The following GFPT2 variants were observed in gnomAD, a reference collection of about 807,000 sequenced individuals.
The protein encoded by GFPT2 is glutamine--fructose-6-phosphate transaminase 2.
In GFPT2, 62 loss-of-function variants were observed where a neutral mutation model predicts 85.6. The observed-to-expected ratio is 0.72, with a 90% CI of 0.59 to 0.90. The LOEUF (loss-of-function observed/expected upper bound fraction) is 0.90, where lower values mean the gene tolerates loss of function less well. Among genes scored for constraint, GFPT2 ranks in the 40% least tolerant of loss-of-function variants. The pLI, the probability that GFPT2 is intolerant of heterozygous loss-of-function variation, is 0.00. For synonymous variants in GFPT2, 368 were observed against 344.5 expected, an observed-to-expected ratio of 1.07 and a Z score of -0.75; for missense variants, 788 against 893.4, an observed-to-expected ratio of 0.88 and a Z score of 1.50.
At chr5:180,307,761 C>A (rs1489905441) in intron 15 of GFPT2, among the ~76,000 whole-genome samples, 1 of 152,252 alleles carries the variant, frequency 6.6e-6, no homozygotes, top group Non-Finnish European at 1.5e-5. Context: ...CAAATTATTG[C>A]ACATCCCCAA....
intron 16 of GFPT2, among the ~76,000 whole-genome samples, chr5:180,305,708 C>T (rs913961210): frequency 6.6e-6 from 1 of 152,206 alleles, no homozygotes; most frequent in East Asian, 1.9e-4. Context: ...GTGCATCTCC[C>T]GCCAGCACGT....
chr5:180,348,837 G>A (rs2127658793), intron 1 of GFPT2, among the ~76,000 whole-genome samples: 1 of 151,786 alleles, frequency 6.6e-6, no homozygotes, highest in Middle Eastern at 3.4e-3. Flanking sequence ...TGCCTCCTGG[G>A]TTCAAGCAAT....
At chr5:180,317,586 C>T (rs548995476) in intron 10 of GFPT2, among the ~76,000 whole-genome samples, 2,234 of 149,930 alleles carry the variant, frequency 0.015, 124 homozygotes, top group African/African-American at 0.041. Context: ...AGTGAAACCC[C>T]GTCTCTACTA....
At chr5:180,306,041 G>A (rs1217570426) in intron 16 of GFPT2, among the ~76,000 whole-genome samples, 1 of 148,616 alleles carries the variant, frequency 6.7e-6, no homozygotes, top group Non-Finnish European at 1.5e-5. Context: ...CTGGAGTGCA[G>A]TGGCATGATC....
At chr5:180,351,198 C>G (rs574611249) in intron 1 of GFPT2, among the ~76,000 whole-genome samples, 9 of 152,266 alleles carry the variant, frequency 5.9e-5, no homozygotes, top group Admixed American at 2.0e-4. Flanking sequence ...GACCATCATC[C>G]CCCCCAAACA....
intron 4 of GFPT2, among the ~76,000 whole-genome samples, chr5:180,332,510 A>G (rs1764323749): frequency 6.6e-6 from 1 of 152,106 alleles, no homozygotes; most frequent in Admixed American, 6.5e-5. Context: ...TTTTCAAAGC[A>G]TCACTGTGAA....
chr5:180,318,453 ACTGCAGAC>A lies in GFPT2; in HGVS notation c.958+332_958+339del, dbSNP rs1286630082. Reference sequence around the variant, plus strand: ...GAAAGTGTACCCCCACCCCCCATTTACTGCAGACCTGCAGACTTCCACCCAGAGGAGAA... The same window carrying A: ...GAAAGTGTACCCCCACCCCCCATTTACTGCAGACTTCCACCCAGAGGAGAA... On this transcript the variant is annotated intron_variant, in intron 10 of 18. Transcript: ENST00000253778. The surrounding 1 kb of genome is among the most constrained non-coding windows in gnomAD (Gnocchi z 4.2). Among the ~76,000 whole-genome samples, 5 of 152,142 alleles carry A rather than the reference ACTGCAGAC, an allele frequency of 3.3e-5. No homozygotes were observed. The highest frequency in any genetic ancestry group is 7.4e-5 in the Non-Finnish European group (5 of 67,984).
At position 180,318,886 on chromosome 5, in the gene GFPT2, TC is replaced by T. The variant is rs1764064951; in HGVS notation, c.864del (p.Lys289AsnfsTer30). On this transcript the variant is annotated frameshift_variant, in exon 10 of 19. Transcript: ENST00000253778. LOFTEE classifies it high-confidence loss of function. The surrounding 1 kb of genome is among the most constrained non-coding windows in gnomAD (Gnocchi z 4.2). ...EDDDIAAVAD[G>X]KLSIHRVKRS... ...CGCTTGACCCGGTGAATGGAGAGTT[TC>T]CCATCAGCCACTGCGGCGATGTCAT... is the stretch of plus-strand genomic sequence containing the variant. The T allele has an allele frequency of 1.2e-6, 2 of 1,613,924 alleles. No homozygotes were observed. Among genetic ancestry groups the T allele is most frequent in the African/African-American group, 2.7e-5 (2 of 75,036 alleles).
chr5:180,343,641 A>T (rs943237567), intron 1 of GFPT2, among the ~76,000 whole-genome samples: 4 of 152,374 alleles, frequency 2.6e-5, no homozygotes, highest in African/African-American at 7.2e-5. Flanking sequence ...ACTGCACTCA[A>T]GTGAATAAAA....
intron 1 of GFPT2, among the ~76,000 whole-genome samples, chr5:180,341,707 C>G (rs1445683699): frequency 6.6e-6 from 1 of 151,936 alleles, no homozygotes; most frequent in Non-Finnish European, 1.5e-5. Flanking sequence ...TTTTGTCTTC[C>G]TTGCCATCTT....
In GFPT2 at chr5:180,315,217, G is replaced by T. The variant is rs1006159171; in HGVS notation, c.1273+1124C>A. 7.4e-5 allele frequency among the ~76,000 whole-genome samples: 11 copies of T among 149,138 alleles called. 1 individual carries two copies. Among genetic ancestry groups the T allele is most frequent in the Admixed American group, 4.1e-4 (6 of 14,750 alleles). On this transcript the variant is annotated intron_variant, in intron 13 of 18. Coordinates refer to ENST00000253778, the MANE Select transcript of GFPT2 (RefSeq NM_005110.4). ...TTTTGAGACGGAGTCTCGCTCTGTCGCCCAGGCTGGAGTGCAGTGGCGCGA... is the reference window on the plus strand; with the variant it reads ...TTTTGAGACGGAGTCTCGCTCTGTCTCCCAGGCTGGAGTGCAGTGGCGCGA...
intron 1 of GFPT2, chr5:180,352,723 G>T (rs2127659878): frequency 2.4e-6 from 1 of 408,206 alleles, no homozygotes; most frequent in Non-Finnish European, 4.8e-6. Flanking sequence ...GACCGGGCGG[G>T]CTGCGGGGAC....
At position 180,353,298 on chromosome 5, in the gene GFPT2, T is replaced by TGGGCTCCGC; in HGVS notation, c.-82_-81insGCGGAGCCC. On this transcript the variant is annotated 5_prime_UTR_variant, in exon 1 of 19. Transcript: ENST00000253778. ...TGGGGCTCCTCCGTGGGCTCCTCCG[T>TGGGCTCCGC]GGGCTCCGTGGGCTCCGTGGGCTCC... 3.8e-6 allele frequency: 1 copy of TGGGCTCCGC among 261,588 alleles called. No individual in the cohort carries two copies. The highest frequency in any genetic ancestry group is 5.1e-6 in the Non-Finnish European group (1 of 196,198). 16.2% of individuals were successfully genotyped at this position (261,588 alleles called of 1,614,324 possible). A position where few individuals can be genotyped will look rare whatever the true frequency, so the allele number is the denominator to read the frequency against.
At position 180,324,866 on chromosome 5, in the gene GFPT2, C is replaced by T. The variant is rs546105341; in HGVS notation, c.626G>A (p.Arg209Gln). Residue 209 changes from arginine to glutamine, a missense_variant, in exon 8 of 19, where the codon CGG becomes CAG. Physicochemically the swap from Arg to Gln is conservative, Grantham distance 43. Transcript: ENST00000253778. ...TTCTGTGGAGAGCTTGTATTTGCTC[C>T]GGACTCCGATGAGCAGGGGGCTGCC... Reference protein sequence around the residue: ...RRGSPLLIGVRSKYKLSTEQI... With the variant: ...RRGSPLLIGVQSKYKLSTEQI... 2.2e-5 allele frequency: 35 copies of T among 1,611,640 alleles called. No homozygotes were observed. Among genetic ancestry groups the T allele is most frequent in the African/African-American group, 2.1e-4 (16 of 74,986 alleles).
intron 14 of GFPT2, 90 bp downstream of exon 14, chr5:180,313,715 GGC>G (rs1012746722): frequency 1.8e-5 from 20 of 1,103,008 alleles, no homozygotes; most frequent in Non-Finnish European, 2.4e-5. Flanking sequence ...GAAAGGCGGT[GGC>G]GCGGGCAGAG....
intron 1 of GFPT2, among the ~76,000 whole-genome samples, chr5:180,340,779 G>T (rs1163095752): frequency 6.6e-6 from 1 of 152,050 alleles, no homozygotes; most frequent in Non-Finnish European, 1.5e-5. Context: ...CTCCCAAAGT[G>T]CTGGGATTAC....
At chr5:180,326,070 A>G (rs1581379975) in intron 7 of GFPT2, among the ~76,000 whole-genome samples, 1 of 152,308 alleles carries the variant, frequency 6.6e-6, no homozygotes, top group South Asian at 2.1e-4. Flanking sequence ...CATGATTTAA[A>G]TGATATCCTG....
intron 1 of GFPT2, among the ~76,000 whole-genome samples, chr5:180,347,318 T>C (rs1764628063): frequency 6.6e-6 from 1 of 152,218 alleles, no homozygotes; most frequent in African/African-American, 2.4e-5. Context: ...CCCAGGTGGC[T>C]TGGAGAAAGG....
chr5:180,318,963 C>G lies in GFPT2; in HGVS notation c.795-7G>C, dbSNP rs201952103. On this transcript the variant is annotated splice_polypyrimidine_tract_variant and splice_region_variant and intron_variant, in intron 9 of 18. Coordinates refer to ENST00000253778, the MANE Select transcript of GFPT2 (RefSeq NM_005110.4). This position sits in a 1 kb window ranked among gnomAD's most constrained non-coding sequence, Gnocchi z 4.2. The stretch of plus-strand genomic sequence containing the variant: ...GGTGTGCTCTATGATAGCGCTGGGG[C>G]AAGGGAAACAGGCATCATCAGTGCC... The G allele has an allele frequency of 3.1e-6, 5 of 1,610,860 alleles. No homozygotes were observed. Among genetic ancestry groups the G allele is most frequent in the Non-Finnish European group, 3.4e-6 (4 of 1,179,678 alleles).
Sources: allele counts gnomAD v4.1 joint callset (sites outside exome capture counted in the v4.1 genomes callset), GRCh38; gene constraint gnomAD v4.1.1; non-coding constraint Gnocchi (gnomAD v3.1); transcripts MANE v1.5; gene names NCBI Gene and HGNC (gene_info 2026-07-23, HGNC 2026-07-21).